The following COL4A3 variants were observed in gnomAD, a reference collection of about 807,000 sequenced individuals.
COL4A3 encodes the protein collagen type IV alpha 3 chain.
A neutral mutation model predicts 217.4 loss-of-function variants in COL4A3; 135 were observed. The observed-to-expected ratio is 0.62, with a 90% CI of 0.54 to 0.72. The LOEUF (loss-of-function observed/expected upper bound fraction) is 0.72, where lower values mean the gene tolerates loss of function less well. Among genes scored for constraint, COL4A3 ranks in the 30% least tolerant of loss-of-function variants. COL4A3 has a pLI of 0.00. For missense variants in COL4A3, 1,868 were observed against 2,119.9 expected, an observed-to-expected ratio of 0.88 and a Z score of 2.33; for synonymous variants, 690 against 736.3, an observed-to-expected ratio of 0.94 and a Z score of 1.02.
At chr2:227,268,528 A>G (rs2071051941) in intron 23 of COL4A3, 1 of 152,268 alleles carries the variant, frequency 6.6e-6, no homozygotes, top group African/African-American at 2.4e-5. Context: ...GTCTCAATCC[A>G]AAGATGAAAG....
intron 1 of COL4A3, among the ~76,000 whole-genome samples, chr2:227,177,087 T>C (rs2065698656): frequency 6.6e-6 from 1 of 152,034 alleles, no homozygotes; most frequent in African/African-American, 2.4e-5. Flanking sequence ...TTTTCTCCAC[T>C]CTGCTTTTTC....
At position 227,305,027 on chromosome 2, in the gene COL4A3, C is replaced by T; in HGVS notation, c.4196C>T (p.Pro1399Leu). Reference sequence around the variant, plus strand: ...GGTAAGCCAGGCAAGGATGGAAAACCAGGAACTCCTGGACCAGCTGGAGAA... The same window carrying T: ...GGTAAGCCAGGCAAGGATGGAAAACTAGGAACTCCTGGACCAGCTGGAGAA... The part of the protein sequence containing the change: ...PRGKPGKDGK[P>L]GTPGPAGEKG... Residue 1399 changes from proline (P) to leucine (L), a missense_variant, in exon 47 of 52, where the codon CCA becomes CTA. Physicochemically the swap from Pro to Leu is moderately conservative, Grantham distance 98. Around this residue, in one of 2 missense-constraint regions of COL4A3, gnomAD observed 1,503 missense variants for 1,786.1 expected, o/e 0.84. Transcript: ENST00000396578. 6.2e-7 allele frequency: 1 copy of T among 1,613,964 alleles called. No homozygotes were observed. Among genetic ancestry groups the T allele is most frequent in the Non-Finnish European group, 8.5e-7 (1 of 1,179,924 alleles).
chr2:227,277,772 GGC>G (rs2071673187), intron 28 of COL4A3, among the ~76,000 whole-genome samples: 2 of 152,168 alleles, frequency 1.3e-5, no homozygotes, highest in Non-Finnish European at 2.9e-5. Context: ...GGCCAAGGCA[GGC>G]AGATCACTTG....
Position 227,253,657 on chromosome 2 carries a change from G to A in COL4A3, c.765+19G>A. On this transcript the variant is annotated intron_variant, in intron 13 of 51. Coordinates refer to ENST00000396578, the MANE Select transcript of COL4A3 (RefSeq NM_000091.5). This position sits in a 1 kb window ranked among gnomAD's most constrained non-coding sequence, Gnocchi z 4.4. ...CAGAACGGTAACTCTGCGATTTTAT[G>A]ATTAGTGTTGTGCCTTCCCGTGTCT... 6.2e-7 allele frequency: 1 copy of A among 1,601,922 alleles called. No individual in the cohort carries two copies.
Position 227,297,801 on chromosome 2 carries a change from T to C in COL4A3, c.3693T>C (p.Gly1231=). ...EGFPGPPGLP[G]AIIPGQTGNR... is the part of the protein sequence containing the mutation. The stretch of plus-strand genomic sequence containing the variant: ...TCCCAGGGCCACCAGGTCTGCCCGG[T>C]GCAATTATCCCTGGCCAGACAGGAA... Residue 1231 remains glycine, a synonymous_variant, in exon 42 of 52, where the codon GGT becomes GGC. Transcript: ENST00000396578. 1 of 1,573,362 alleles carries C rather than the reference T, an allele frequency of 6.4e-7. No homozygotes were observed. Among genetic ancestry groups the C allele is most frequent in the East Asian group, 2.3e-5 (1 of 43,304 alleles).
intron 1 of COL4A3, among the ~76,000 whole-genome samples, chr2:227,189,693 A>G (rs532299703): frequency 6.6e-6 from 1 of 152,330 alleles, no homozygotes; most frequent in East Asian, 1.9e-4. Flanking sequence ...CTCTCCATTC[A>G]AAATAGAGTA....
chr2:227,207,792 G>C (rs1229820865), intron 1 of COL4A3, among the ~76,000 whole-genome samples: 1 of 152,220 alleles, frequency 6.6e-6, no homozygotes, highest in East Asian at 1.9e-4. Context: ...TCTCAAAGCA[G>C]TCCCCTGGTG....
intron 1 of COL4A3, among the ~76,000 whole-genome samples, chr2:227,195,623 AC>A: frequency 6.7e-6 from 1 of 149,308 alleles, no homozygotes; most frequent in Non-Finnish European, 1.5e-5. Flanking sequence ...ACCATAATAT[AC>A]TTTTTATTAT....
At position 227,253,609 on chromosome 2, in the gene COL4A3, G is replaced by T. The variant is rs756512062; in HGVS notation, c.736G>T (p.Val246Leu). The T allele has an allele frequency of 1.9e-6, 3 of 1,613,984 alleles. No homozygotes were observed. Among genetic ancestry groups the T allele is most frequent in the Non-Finnish European group, 2.5e-6 (3 of 1,179,978 alleles). The change falls in exon 13 of 52, where the codon GTG (valine) becomes TTG (leucine). Residue 246 changes from valine (V) to leucine (L), a missense_variant. Val to Leu is a conservative substitution (Grantham distance 32). Transcript: ENST00000396578. The surrounding 1 kb of genome is among the most constrained non-coding windows in gnomAD (Gnocchi z 4.4). ...GPPGPPGTVI[V>L]TLTGPDNRTD... ...CCCGGGACCACCAGGAACAGTTATTGTGACCCTAACTGGCCCAGATAACAG... is the reference window on the plus strand; with the variant it reads ...CCCGGGACCACCAGGAACAGTTATTTTGACCCTAACTGGCCCAGATAACAG...
At chr2:227,192,908 T>C (rs1267264756) in intron 1 of COL4A3, among the ~76,000 whole-genome samples, 2 of 152,106 alleles carry the variant, frequency 1.3e-5, no homozygotes, top group Non-Finnish European at 2.9e-5. Flanking sequence ...GAATAAAAAA[T>C]TAAAAGAAAA....
chr2:227,252,082 A>C (rs555653984), intron 11 of COL4A3, among the ~76,000 whole-genome samples: 24 of 145,508 alleles, frequency 1.6e-4, no homozygotes, highest in South Asian at 1.3e-3. Flanking sequence ...AAAAAAAAAA[A>C]AAAAAAAAAC....
At chr2:227,221,992 G>T (rs1223252146) in intron 1 of COL4A3, among the ~76,000 whole-genome samples, 2 of 150,584 alleles carry the variant, frequency 1.3e-5, no homozygotes, top group Non-Finnish European at 3.0e-5. Context: ...TGTTTAAAAT[G>T]CTCCTTAAGC....
chr2:227,304,771 T>G (rs1048492828), intron 46 of COL4A3, among the ~76,000 whole-genome samples: 2 of 152,236 alleles, frequency 1.3e-5, no homozygotes, highest in Non-Finnish European at 2.9e-5. Context: ...GCATTTAGTA[T>G]CCTCATAGTT....
intron 1 of COL4A3, among the ~76,000 whole-genome samples, chr2:227,205,321 G>A (rs938388726): frequency 1.4e-4 from 21 of 151,910 alleles, no homozygotes; most frequent in African/African-American, 4.4e-4. Context: ...GTGTATATAC[G>A]ATATTCTATC....
chr2:227,267,496 T>C (rs570254215), intron 23 of COL4A3, among the ~76,000 whole-genome samples: 97 of 152,172 alleles, frequency 6.4e-4, no homozygotes, highest in African/African-American at 2.2e-3. Context: ...TTTAAAAGAG[T>C]CATAGAAAAA....
intron 26 of COL4A3, among the ~76,000 whole-genome samples, chr2:227,274,271 A>AAATAAATAAATAAATAAATT (rs1397286605): frequency 3.9e-4 from 58 of 148,862 alleles, no homozygotes; most frequent in East Asian, 1.2e-3. Context: ...ATAAATAAAT[A>AAATAAATAAATAAATAAATT]AATTTTAAAA....
At chr2:227,202,868 T>A (rs1335928683) in intron 1 of COL4A3, among the ~76,000 whole-genome samples, 1 of 55,680 alleles carries the variant, frequency 1.8e-5, no homozygotes, top group African/African-American at 9.2e-5. Flanking sequence ...TATACATATA[T>A]GTGTATATAT....
At chr2:227,266,391 T>A (rs1553755721) in intron 21 of COL4A3, 26 bp from the exon 22 acceptor site, 1 of 1,552,894 alleles carries the variant, frequency 6.4e-7, no homozygotes, top group Non-Finnish European at 8.9e-7. Flanking sequence ...AAATAAAAAA[T>A]TGTCTTTGGT....
At chr2:227,201,111 T>C (rs1049772208) in intron 1 of COL4A3, among the ~76,000 whole-genome samples, 1 of 152,194 alleles carries the variant, frequency 6.6e-6, no homozygotes, top group Admixed American at 6.5e-5. Flanking sequence ...TATTAGGTTA[T>C]GTTACCTTAA....
Sources: gnomAD v4.1 joint callset for allele counts (sites outside exome capture counted in the v4.1 genomes callset) on GRCh38, gnomAD v4.1.1 for gene constraint, gnomAD v4.1.1 regional missense constraint, Gnocchi (gnomAD v3.1) non-coding constraint, MANE v1.5 for transcripts, NCBI Gene and HGNC (gene_info 2026-07-23, HGNC 2026-07-21) for gene names.